The following SNX18 variants were observed in gnomAD, a reference collection of about 807,000 sequenced individuals.
SNX18 encodes the protein sorting nexin 18.
SNX18 carries 35 observed loss-of-function variants against 48.7 expected under a neutral mutation model. That is an observed-to-expected ratio of 0.72 (90% CI 0.55 to 0.95). The LOEUF is 0.95. Ranked by LOEUF, SNX18 falls within the 40% of genes least tolerant of loss-of-function variation. The pLI is 0.00. For synonymous variants in SNX18, 492 were observed against 384.7 expected (o/e 1.28, Z -3.26); for missense variants, 824 against 871.0 (o/e 0.95, Z 0.68).
intron 1 of SNX18, among the ~76,000 whole-genome samples, chr5:54,524,747 G>A (rs1991005): frequency 0.67 from 102,375 of 152,166 alleles, 34,876 homozygotes; most frequent in Middle Eastern, 0.72. Flanking sequence ...CGTGTATCAT[G>A]TCTCATATTT....
rs993274944 is a variant in SNX18 at position 54,523,477 on chromosome 5, A to C, written c.1621+3904A>C. 3.9e-5 allele frequency among the ~76,000 whole-genome samples: 6 copies of C among 152,340 alleles called. No homozygotes were observed. In the South Asian group the frequency reaches 1.0e-3, roughly 26 times the overall value. On this transcript the variant is annotated intron_variant, in intron 1 of 1. Transcript: ENST00000381410. ...ATCCTTGTTTAGGAATTTGGACTAA[A>C]TAAAAATGGCTAGAGGGAGTTCCTT... is the stretch of plus-strand genomic sequence containing the variant.
At chr5:54,534,546 G>A (rs1388295818) in intron 1 of SNX18, among the ~76,000 whole-genome samples, 1 of 152,148 alleles carries the variant, frequency 6.6e-6, no homozygotes, top group East Asian at 1.9e-4. Context: ...AGGCAGTACA[G>A]TGTATGAGGG....
chr5:54,520,881 C>A (rs978311549), intron 1 of SNX18: 10 of 167,198 alleles, frequency 6.0e-5, no homozygotes, highest in Admixed American at 4.6e-4. Context: ...GACATCAGTA[C>A]TAATTTTAGT....
intron 1 of SNX18, among the ~76,000 whole-genome samples, chr5:54,525,411 T>G (rs912950717): frequency 5.3e-5 from 8 of 152,098 alleles, no homozygotes; most frequent in African/African-American, 1.4e-4. Flanking sequence ...CGCTCTCCTT[T>G]GAAGGACAAT....
chr5:54,607,932 AAAACAAAC>A, the SNX18 span, among the ~76,000 whole-genome samples: 184 of 152,064 alleles, frequency 1.2e-3, no homozygotes, highest in African/African-American at 4.1e-3. Context: ...AGACTGTCTC[AAAACAAAC>A]AAACAAACAA....
the SNX18 span, among the ~76,000 whole-genome samples, chr5:54,568,296 G>C: frequency 6.6e-6 from 1 of 152,186 alleles, no homozygotes; most frequent in Admixed American, 6.5e-5. Context: ...CACACTTTAT[G>C]GTAGGAACTT....
chr5:54,556,994 T>A, the SNX18 span, among the ~76,000 whole-genome samples: 1 of 152,254 alleles, frequency 6.6e-6, no homozygotes, highest in Non-Finnish European at 1.5e-5. Context: ...ATCTGCTTTA[T>A]CTTTCAAACT....
the SNX18 span, among the ~76,000 whole-genome samples, chr5:54,627,499 C>G: frequency 6.6e-6 from 1 of 152,118 alleles, no homozygotes; most frequent in African/African-American, 2.4e-5. Flanking sequence ...AGTGAGTATT[C>G]AATACTCTTT....
At chr5:54,572,224 G>C in the SNX18 span, among the ~76,000 whole-genome samples, 2 of 152,116 alleles carry the variant, frequency 1.3e-5, no homozygotes, top group African/African-American at 2.4e-5. Context: ...TATGAGGCTA[G>C]CAAAGCTCTA....
chr5:54,585,505 C>T, the SNX18 span, among the ~76,000 whole-genome samples: 2 of 152,078 alleles, frequency 1.3e-5, no homozygotes, highest in African/African-American at 4.8e-5. Flanking sequence ...TTCTGTCACA[C>T]TGACTTCTGC....
chr5:54,532,159 G>A lies in SNX18; in HGVS notation c.1622-11020G>A, dbSNP rs142870761. Among the ~76,000 whole-genome samples the A allele has an allele frequency of 3.7e-3, 568 of 152,034 alleles. 2 individuals carry two copies. Among genetic ancestry groups the A allele is most frequent in the African/African-American group, 0.012 (489 of 41,428 alleles). On this transcript the variant is annotated intron_variant, in intron 1 of 1. Coordinates refer to ENST00000381410, the MANE Select transcript of SNX18 (RefSeq NM_001102575.2). Reference sequence around the variant, plus strand: ...CTTCTATTTAGATTTATTTTGGCTTGGGTCTCCCTTTATCTTTCTAGAAAA... The same window carrying A: ...CTTCTATTTAGATTTATTTTGGCTTAGGTCTCCCTTTATCTTTCTAGAAAA...
chr5:54,646,693 A>T, the SNX18 span, among the ~76,000 whole-genome samples: 3 of 152,228 alleles, frequency 2.0e-5, no homozygotes, highest in African/African-American at 7.2e-5. Flanking sequence ...CTGCCACCCA[A>T]GTTCTTATGC....
the SNX18 span, among the ~76,000 whole-genome samples, chr5:54,574,748 G>C: frequency 6.6e-6 from 1 of 152,082 alleles, no homozygotes; most frequent in African/African-American, 2.4e-5. Context: ...GCCATGTTTG[G>C]GGATGTGTGT....
chr5:54,522,880 C>T (rs2059214), intron 1 of SNX18, among the ~76,000 whole-genome samples: 45,027 of 152,024 alleles, frequency 0.3, 6,886 homozygotes, highest in East Asian at 0.43. Context: ...GTGAAGAAAG[C>T]GATATACTTC....
chr5:54,526,390 G>A (rs1762132596), intron 1 of SNX18, among the ~76,000 whole-genome samples: 2 of 152,116 alleles, frequency 1.3e-5, no homozygotes, highest in Admixed American at 1.3e-4. Flanking sequence ...TTACAGGTGT[G>A]AGCCACCGTG....
chr5:54,580,722 C>T, the SNX18 span, among the ~76,000 whole-genome samples: 3 of 152,134 alleles, frequency 2.0e-5, no homozygotes, highest in Non-Finnish European at 4.4e-5. Flanking sequence ...ATAGTAAGTA[C>T]CCATCTGTCC....
the SNX18 span, among the ~76,000 whole-genome samples, chr5:54,598,742 A>G: frequency 2.0e-5 from 3 of 152,192 alleles, no homozygotes; most frequent in African/African-American, 4.8e-5. Context: ...TCAAACGAAT[A>G]GGAGCCATTT....
chr5:54,629,471 A>G, the SNX18 span, among the ~76,000 whole-genome samples: 1 of 152,192 alleles, frequency 6.6e-6, no homozygotes, highest in Non-Finnish European at 1.5e-5. Flanking sequence ...TCACTGTAGA[A>G]GCGTTTAAAA....
At chr5:54,535,313 T>G (rs1337832430) in intron 1 of SNX18, among the ~76,000 whole-genome samples, 1 of 152,222 alleles carries the variant, frequency 6.6e-6, no homozygotes, top group African/African-American at 2.4e-5. Flanking sequence ...GAGCTAGGAC[T>G]GGTGATGGAG....
Sources: allele counts gnomAD v4.1 joint callset (sites outside exome capture counted in the v4.1 genomes callset), GRCh38; gene constraint gnomAD v4.1.1; transcripts MANE v1.5; gene names NCBI Gene and HGNC (gene_info 2026-07-23, HGNC 2026-07-21).